FRMD4B: variants seen among roughly 807,000 people sequenced by gnomAD.
The protein encoded by FRMD4B is FERM domain containing 4B.
FRMD4B carries 74 observed loss-of-function variants against 141.5 expected under a neutral mutation model. The observed-to-expected ratio is 0.52, with a 90% CI of 0.43 to 0.63. The LOEUF (loss-of-function observed/expected upper bound fraction) is 0.63. FRMD4B is among the 30% of genes least tolerant of loss of function. FRMD4B has a pLI of 0.00. For synonymous variants in FRMD4B, 506 were observed against 467.9 expected, an observed-to-expected ratio of 1.08 and a Z score of -1.05; for missense variants, 1,366 against 1,253.4, an observed-to-expected ratio of 1.09 and a Z score of -1.36.
intron 2 of FRMD4B, among the ~76,000 whole-genome samples, chr3:69,399,358 T>C (rs774026853): frequency 3.4e-4 from 52 of 152,212 alleles, no homozygotes; most frequent in Non-Finnish European, 7.1e-4. Flanking sequence ...CATTCACTCT[T>C]ATGTCCTTCC....
intron 7 of FRMD4B, among the ~76,000 whole-genome samples, chr3:69,231,272 T>C (rs1370716562): frequency 6.6e-6 from 1 of 152,214 alleles, no homozygotes; most frequent in East Asian, 1.9e-4. Context: ...TCACTGGCTG[T>C]GGTTGTATTG....
chr3:69,347,443 G>C (rs1702985011), intron 1 of FRMD4B, among the ~76,000 whole-genome samples: 1 of 152,132 alleles, frequency 6.6e-6, no homozygotes, highest in South Asian at 2.1e-4. Flanking sequence ...AGTTAAAAAG[G>C]ATATCCAGGA....
intron 17 of FRMD4B, 27 bp downstream of exon 17, chr3:69,193,619 CAA>C (rs11310698): frequency 0.016 from 16,292 of 1,014,316 alleles, 426 homozygotes; most frequent in African/African-American, 0.11. Flanking sequence ...GTAGGGGACT[CAA>C]AAAAAAAAAC....
At chr3:69,250,181 C>G in intron 5 of FRMD4B, 82 bp from the exon 6 acceptor site, 8 of 903,630 alleles carry the variant, frequency 8.9e-6, no homozygotes, top group South Asian at 1.3e-5. Context: ...AGGAAGCTGT[C>G]ACAGCTTGGC....
chr3:69,514,853 G>C (rs1700726831), intron 1 of FRMD4B, among the ~76,000 whole-genome samples: 1 of 151,964 alleles, frequency 6.6e-6, no homozygotes, highest in Non-Finnish European at 1.5e-5. Flanking sequence ...TGAAGAAATA[G>C]AAAAATCCAT....
intron 22 of FRMD4B, among the ~76,000 whole-genome samples, chr3:69,172,884 T>A (rs1165407879): frequency 6.6e-6 from 1 of 152,166 alleles, no homozygotes; most frequent in Non-Finnish European, 1.5e-5. Flanking sequence ...ATTTTTTTTT[T>A]AAAGTCTTTG....
At chr3:69,517,250 A>G (rs1184434906) in intron 1 of FRMD4B, among the ~76,000 whole-genome samples, 1 of 152,116 alleles carries the variant, frequency 6.6e-6, no homozygotes. Flanking sequence ...GTAAATGCAT[A>G]TTTCTTGTTT....
In FRMD4B at chr3:69,181,259, C is replaced by T; in HGVS notation, c.2491G>A (p.Gly831Arg). The T allele has an allele frequency of 6.2e-7, 1 of 1,613,278 alleles. No individual in the cohort carries two copies. The highest frequency in any genetic ancestry group is 8.5e-7 in the Non-Finnish European group (1 of 1,179,316). Residue 831 changes from glycine (G) to arginine (R), a missense_variant, in exon 21 of 23, where the codon GGA (glycine) becomes AGA (arginine). Coordinates refer to ENST00000398540, the MANE Select transcript of FRMD4B (RefSeq NM_015123.3). ...GGYVYENDTE[G>R]QYSVNPSYRS... ...TAGGAAGGGTTGACACTATACTGTCCCTCGGTGTCATTCTCATAGACATAA... is the reference window on the plus strand; with the variant it reads ...TAGGAAGGGTTGACACTATACTGTCTCTCGGTGTCATTCTCATAGACATAA...
chr3:69,432,008 T>C (rs1252263859), intron 2 of FRMD4B, among the ~76,000 whole-genome samples: 1 of 152,234 alleles, frequency 6.6e-6, no homozygotes, highest in East Asian at 1.9e-4. Flanking sequence ...GTTTGGTTTC[T>C]ATAGCATTGC....
At chr3:69,487,958 T>C (rs1019630513) in intron 1 of FRMD4B, among the ~76,000 whole-genome samples, 1 of 152,066 alleles carries the variant, frequency 6.6e-6, no homozygotes, top group African/African-American at 2.4e-5. Context: ...ATTGTATGTA[T>C]CACCTAATTT....
intron 8 of FRMD4B, among the ~76,000 whole-genome samples, chr3:69,222,821 C>T (rs2093210032): frequency 1.3e-5 from 2 of 151,982 alleles, no homozygotes; most frequent in African/African-American, 4.8e-5. Context: ...TCAATTTCTC[C>T]AATGGGAAAT....
intron 1 of FRMD4B, among the ~76,000 whole-genome samples, chr3:69,482,404 G>T (rs1706138694): frequency 6.6e-6 from 1 of 152,008 alleles, no homozygotes; most frequent in South Asian, 2.1e-4. Flanking sequence ...CACACTTAAT[G>T]ATCAAAACCA....
Position 69,496,394 on chromosome 3 carries a change from C to T in FRMD4B, c.-129+45812G>A, listed in dbSNP as rs756622377. Among the ~76,000 whole-genome samples the T allele has an allele frequency of 3.9e-4, 59 of 152,134 alleles. 1 individual carries two copies. Among genetic ancestry groups the T allele is most frequent in the Admixed American group, 2.6e-4 (4 of 15,268 alleles). The stretch of plus-strand genomic sequence containing the variant: ...GGACTGGCCAATCAAAACACTGAAC[C>T]CTCTGGCCATATTGATTGATTTAAA... On this transcript the variant is annotated intron_variant, in intron 1 of 5. Transcript: ENST00000459638.
intron 1 of FRMD4B, among the ~76,000 whole-genome samples, chr3:69,449,515 C>T (rs1489432170): frequency 6.6e-6 from 1 of 152,068 alleles, no homozygotes; most frequent in Non-Finnish European, 1.5e-5. Flanking sequence ...ATCTCCTAGC[C>T]CCCATTCAAA....
intron 1 of FRMD4B, among the ~76,000 whole-genome samples, chr3:69,462,247 G>A (rs1012297079): frequency 6.6e-6 from 1 of 152,180 alleles, no homozygotes; most frequent in African/African-American, 2.4e-5. Context: ...GAGACTGTGT[G>A]AGCATGCCTC....
chr3:69,307,657 C>T (rs6794191), intron 3 of FRMD4B, among the ~76,000 whole-genome samples: 151,014 of 152,266 alleles, frequency 0.99, 74,905 homozygotes, highest in East Asian at 1. Context: ...CTTTTCTTTC[C>T]GAAGAGAAGG....
At chr3:69,368,168 GACA>G (rs1703721419) in intron 1 of FRMD4B, among the ~76,000 whole-genome samples, 1 of 151,926 alleles carries the variant, frequency 6.6e-6, no homozygotes, top group African/African-American at 2.4e-5. Context: ...ATTTAAACCC[GACA>G]ACATCACGAG....
intron 1 of FRMD4B, among the ~76,000 whole-genome samples, chr3:69,498,665 T>A (rs185890551): frequency 6.6e-6 from 1 of 152,200 alleles, no homozygotes; most frequent in Non-Finnish European, 1.5e-5. Context: ...CTACAACATA[T>A]AACTGTTAAG....
intron 1 of FRMD4B, among the ~76,000 whole-genome samples, chr3:69,511,325 T>C (rs1169029370): frequency 6.6e-6 from 1 of 152,226 alleles, no homozygotes; most frequent in Non-Finnish European, 1.5e-5. Flanking sequence ...TTTTTTAATG[T>C]TCAGGTTGCC....
Sources: gnomAD v4.1 joint callset for allele counts (sites outside exome capture counted in the v4.1 genomes callset) on GRCh38, gnomAD v4.1.1 for gene constraint, MANE v1.5 for transcripts, NCBI Gene and HGNC (gene_info 2026-07-23, HGNC 2026-07-21) for gene names.